VEGFD: variants seen among roughly 807,000 people sequenced by gnomAD.
VEGFD encodes c-fos induced growth factor (vascular endothelial growth factor D).
A neutral mutation model predicts 28.0 loss-of-function variants in VEGFD; 26 were observed. That is an observed-to-expected ratio of 0.93 (90% CI 0.68 to 1.29). VEGFD has a LOEUF of 1.29. Ranked by LOEUF, VEGFD falls within the 50% of genes most tolerant of loss-of-function variation. The pLI is 0.00. For synonymous variants in VEGFD, 93 were observed against 95.5 expected (o/e 0.97, Z 0.15); for missense variants, 294 against 273.4 (o/e 1.08, Z -0.53).
chrX:15,380,773 C>T (rs1923550945), intron 1 of VEGFD, among the ~76,000 whole-genome samples: 1 of 112,728 alleles, frequency 8.9e-6, no homozygotes, highest in Non-Finnish European at 1.9e-5. Flanking sequence ...GATGTAGATA[C>T]TTATTTACCA....
At chrX:15,352,687 C>G (rs780563780) in intron 5 of VEGFD, among the ~76,000 whole-genome samples, 2 of 112,117 alleles carry the variant, frequency 1.8e-5, no homozygotes, top group East Asian at 5.6e-4. Flanking sequence ...AGCTTTCATT[C>G]AAGTTTAACA....
chrX:15,375,941 A>G (rs146677202), intron 1 of VEGFD, among the ~76,000 whole-genome samples: 155 of 111,471 alleles, frequency 1.4e-3, no homozygotes, highest in African/African-American at 5.0e-3. Flanking sequence ...CTCACTTGAC[A>G]TAACTGTGCT....
intron 5 of VEGFD, among the ~76,000 whole-genome samples, chrX:15,351,027 A>ATT (rs35997805): frequency 0.012 from 183 of 14,754 alleles, 62 homozygotes; most frequent in Non-Finnish European, 0.02. Flanking sequence ...ATGCCCAGCT[A>ATT]TTTTTTTTTT....
intron 1 of VEGFD, among the ~76,000 whole-genome samples, chrX:15,369,052 A>T (rs188216463): frequency 8.9e-6 from 1 of 111,852 alleles, no homozygotes; most frequent in African/African-American, 3.2e-5. Context: ...CTAATTTCTA[A>T]GTTCACACAG....
At chrX:15,375,393 T>C (rs1036036112) in intron 1 of VEGFD, among the ~76,000 whole-genome samples, 3 of 112,036 alleles carry the variant, frequency 2.7e-5, no homozygotes, top group African/African-American at 9.7e-5. Flanking sequence ...CACCTGATGG[T>C]ATAGGGTGTA....
chrX:15,368,028 A>AAGAAAGAAAGAAAGAAAGAAAGAAAGAG (rs1923202665), intron 1 of VEGFD, among the ~76,000 whole-genome samples: 1 of 83,339 alleles, frequency 1.2e-5, no homozygotes, highest in African/African-American at 5.0e-5. Context: ...GAAAGAAAGA[A>AAGAAAGAAAGAAAGAAAGAAAGAAAGAG]AGGAAAGAAG....
intron 2 of VEGFD, among the ~76,000 whole-genome samples, chrX:15,359,564 G>A (rs1922958106): frequency 9.2e-6 from 1 of 108,258 alleles, no homozygotes; most frequent in South Asian, 4.2e-4. Flanking sequence ...CCACCAACAG[G>A]CCCTGGTTTG....
chrX:15,359,325 ACTCT>A (rs1196818759), intron 2 of VEGFD, among the ~76,000 whole-genome samples: 4 of 80,692 alleles, frequency 5.0e-5, no homozygotes, highest in Admixed American at 1.5e-4. Context: ...TCTCACACAC[ACTCT>A]CTCTCTCTCT....
chrX:15,355,115 T>A, intron 4 of VEGFD, 35 bp downstream of exon 4: 2 of 1,119,930 alleles, frequency 1.8e-6, no homozygotes, highest in Admixed American at 3.1e-5. Flanking sequence ...AAAATAAGCA[T>A]AATCCAGTAT....
At chrX:15,372,166 C>T (rs933805299) in intron 1 of VEGFD, among the ~76,000 whole-genome samples, 7 of 111,841 alleles carry the variant, frequency 6.3e-5, no homozygotes, top group African/African-American at 1.3e-4. Flanking sequence ...TAAATAGAAT[C>T]AAGAGCAAAA....
chrX:15,354,723 G>A (rs1344314968), intron 4 of VEGFD, among the ~76,000 whole-genome samples: 3 of 111,372 alleles, frequency 2.7e-5, no homozygotes, highest in African/African-American at 9.8e-5. Flanking sequence ...AAACTCACGT[G>A]CTGCTAGTTT....
chrX:15,372,968 G>C (rs1187134375), intron 1 of VEGFD, among the ~76,000 whole-genome samples: 1 of 111,510 alleles, frequency 9.0e-6, no homozygotes, highest in Non-Finnish European at 1.9e-5. Flanking sequence ...AGGCTAAATA[G>C]CATGATGAAG....
chrX:15,364,187 CTTTGT>C (rs1265833955), intron 1 of VEGFD, among the ~76,000 whole-genome samples: 1 of 111,970 alleles, frequency 8.9e-6, no homozygotes, highest in Non-Finnish European at 1.9e-5. Context: ...TTCTAACTCT[CTTTGT>C]TTTCTTTTAA....
In VEGFD at chrX:15,381,487, C is replaced by T. The variant is rs143618646; in HGVS notation, c.90+2370G>A. On this transcript the variant is annotated intron_variant, in intron 1 of 6. Coordinates refer to ENST00000297904, the MANE Select transcript of VEGFD (RefSeq NM_004469.5). ...ATATGGACCAAGTACCGAGGAAGAC[C>T]ATGAATTTCTTATAATAAATAAAAC... Among the ~76,000 whole-genome samples, 18 of 106,832 alleles carry T rather than the reference C, an allele frequency of 1.7e-4. 1 individual carries two copies. The East Asian group carries it at 5.3e-3, about 32-fold the overall frequency. 92.8% of individuals were successfully genotyped at this position (106,832 alleles called of 115,157 possible). A position where few individuals can be genotyped will look rare whatever the true frequency, so the allele number is the denominator to read the frequency against.
intron 1 of VEGFD, among the ~76,000 whole-genome samples, chrX:15,378,426 G>A (rs1020301947): frequency 8.9e-6 from 1 of 112,054 alleles, no homozygotes; most frequent in Admixed American, 9.4e-5. Flanking sequence ...TTCATATCCT[G>A]ATCCTGGGTA....
chrX:15,357,300 C>T (rs1292750249), intron 3 of VEGFD, among the ~76,000 whole-genome samples: 1 of 111,335 alleles, frequency 9.0e-6, no homozygotes, highest in African/African-American at 3.3e-5. Flanking sequence ...GAGACACCAT[C>T]CTCTCCCCTT....
chrX:15,369,949 T>A (rs1444827189), intron 1 of VEGFD, among the ~76,000 whole-genome samples: 1 of 112,325 alleles, frequency 8.9e-6, no homozygotes, highest in Non-Finnish European at 1.9e-5. Flanking sequence ...GACATCCATT[T>A]TATCAACTTG....
chrX:15,368,038 GA>G (rs1233621446), intron 1 of VEGFD, among the ~76,000 whole-genome samples: 21 of 78,495 alleles, frequency 2.7e-4, no homozygotes, highest in African/African-American at 7.2e-4. Context: ...AAGGAAAGAA[GA>G]AAGAAAGAAA....
At chrX:15,374,675 T>C (rs139237216) in intron 1 of VEGFD, among the ~76,000 whole-genome samples, 1,169 of 111,342 alleles carry the variant, frequency 0.01, 13 homozygotes, top group African/African-American at 0.036. Context: ...AATCTATACA[T>C]GTGTTAGAAT....
Sources: gnomAD v4.1 joint callset for allele counts (sites outside exome capture counted in the v4.1 genomes callset) on GRCh38, gnomAD v4.1.1 for gene constraint, MANE v1.5 for transcripts, NCBI Gene and HGNC (gene_info 2026-07-23, HGNC 2026-07-21) for gene names.